Variants in SDK1 observed in about 807,000 individuals in gnomAD.
SDK1 encodes the protein protein sidekick-1.
Under a neutral mutation model 245.5 loss-of-function variants are expected in SDK1, and 157 were observed. The observed-to-expected ratio is 0.64, with a 90% CI of 0.56 to 0.73. The LOEUF (loss-of-function observed/expected upper bound fraction) is 0.73. Ranked by LOEUF, SDK1 falls within the 30% of genes least tolerant of loss-of-function variation. The pLI, the probability that SDK1 is intolerant of heterozygous loss-of-function variation, is 0.00. For missense variants in SDK1, 3,583 were observed against 3,002.3 expected, an observed-to-expected ratio of 1.19 and a Z score of -4.52; for synonymous variants, 1,647 against 1,278.5, an observed-to-expected ratio of 1.29 and a Z score of -6.15.
intron 18 of SDK1, among the ~76,000 whole-genome samples, chr7:4,049,810 A>G (rs1254255356): frequency 6.6e-6 from 1 of 152,224 alleles, no homozygotes; most frequent in Non-Finnish European, 1.5e-5. Context: ...AGGAGAACAC[A>G]GGCCCCGAGC....
chr7:4,009,036 C>G (rs1044619080), intron 14 of SDK1, among the ~76,000 whole-genome samples: 3 of 152,232 alleles, frequency 2.0e-5, no homozygotes, highest in African/African-American at 7.2e-5. Flanking sequence ...GGCGGAATTT[C>G]TTCACATCCT....
Position 4,208,257 on chromosome 7 carries a change from C to A in SDK1, c.5373C>A (p.Asp1791Glu). ...FNAAGDGPKS[D>E]PQQGRTHQAA... ...CCGCCGGAGATGGACCTAAGAGTGA[C>A]CCCCAGCAGGGGCGCACCCACCAGG... Residue 1791 changes from aspartate (D) to glutamate (E), a missense_variant, in exon 37 of 45, where the codon GAC becomes GAA. Transcript: ENST00000404826. 1 of 1,613,562 alleles carries A rather than the reference C, an allele frequency of 6.2e-7. No individual in the cohort carries two copies. The highest frequency in any genetic ancestry group is 1.7e-5 in the Admixed American group (1 of 59,982).
chr7:3,818,519 C>T (rs893264394), intron 4 of SDK1, among the ~76,000 whole-genome samples: 1 of 152,194 alleles, frequency 6.6e-6, no homozygotes, highest in Non-Finnish European at 1.5e-5. Context: ...TGTGTACACA[C>T]ATATGTAGAA....
At chr7:4,172,645 C>A (rs1781921287) in intron 32 of SDK1, among the ~76,000 whole-genome samples, 1 of 152,172 alleles carries the variant, frequency 6.6e-6, no homozygotes, top group South Asian at 2.1e-4. Context: ...AGGGCAGAGC[C>A]TTATTCTCTC....
In SDK1 at chr7:3,444,703, T is replaced by C. The variant is rs78798718; in HGVS notation, c.298+142819T>C. 4.4e-3 allele frequency among the ~76,000 whole-genome samples: 669 copies of C among 152,302 alleles called. 9 individuals are homozygous for C. The highest frequency in any genetic ancestry group is 0.015 in the African/African-American group (622 of 41,566). ...TGTTAGATTGCTGTCCTTGATTGGT[T>C]TTCTGTTTTCAGTAGGCCAGTCCCC... is the stretch of plus-strand genomic sequence containing the variant. On this transcript the variant is annotated intron_variant, in intron 1 of 44. Coordinates refer to ENST00000404826, the MANE Select transcript of SDK1 (RefSeq NM_152744.4).
chr7:3,874,515 C>G (rs1381559375), intron 5 of SDK1, among the ~76,000 whole-genome samples: 1 of 152,150 alleles, frequency 6.6e-6, no homozygotes, highest in Non-Finnish European at 1.5e-5. Flanking sequence ...GTAGTCCTGA[C>G]AAGTGTTCCT....
chr7:4,088,970 AGGGAGGTGAGACCCTCCCTCAGG>A, intron 22 of SDK1, among the ~76,000 whole-genome samples: 1 of 151,522 alleles, frequency 6.6e-6, no homozygotes, highest in Non-Finnish European at 1.5e-5. Context: ...GGCCCCTCAG[AGGGAGGTGAGACCCTCCCTCAGG>A]TGGAGGTGAG....
intron 30 of SDK1, 58 bp from the exon 31 acceptor site, chr7:4,158,390 C>A: frequency 1.4e-6 from 2 of 1,398,562 alleles, no homozygotes; most frequent in Non-Finnish European, 2.0e-6. Flanking sequence ...ACCAGGAATG[C>A]CTGAGGGCAG....
In SDK1 at chr7:3,631,267, A is replaced by G. The variant is rs139866132; in HGVS notation, c.459-7737A>G. Among the ~76,000 whole-genome samples, 116 of 152,170 alleles carry G rather than the reference A, an allele frequency of 7.6e-4. 1 individual carries two copies. The highest frequency in any genetic ancestry group is 2.6e-3 in the African/African-American group (107 of 41,514). On this transcript the variant is annotated intron_variant, in intron 2 of 44. Coordinates refer to ENST00000404826, the MANE Select transcript of SDK1 (RefSeq NM_152744.4). ...TTTCTGTTTTATTTTCTTTTAATCT[A>G]TTGAGCTCTCTCTGTACTCACCAAG...
intron 4 of SDK1, among the ~76,000 whole-genome samples, chr7:3,778,704 CAG>C (rs1289236955): frequency 6.6e-6 from 1 of 152,164 alleles, no homozygotes; most frequent in Non-Finnish European, 1.5e-5. Flanking sequence ...TTAATCTTAA[CAG>C]AGTATACTTG....
At chr7:3,313,786 G>C (rs975232125) in intron 1 of SDK1, among the ~76,000 whole-genome samples, 19 of 152,154 alleles carry the variant, frequency 1.2e-4, no homozygotes, top group Admixed American at 1.2e-3. Context: ...TTTTATTCTT[G>C]AGTTGCTAAA....
chr7:4,051,856 T>C (rs774932748), intron 19 of SDK1, 26 bp downstream of exon 19: 1 of 1,587,892 alleles, frequency 6.3e-7, no homozygotes, highest in East Asian at 2.3e-5. Context: ...TGCGTGTCTC[T>C]TAAGTCACTT....
At chr7:3,332,146 C>G (rs1481244779) in intron 1 of SDK1, among the ~76,000 whole-genome samples, 1 of 152,196 alleles carries the variant, frequency 6.6e-6, no homozygotes, top group Admixed American at 6.5e-5. Flanking sequence ...ACACTGATCA[C>G]TGAGATGTTT....
intron 35 of SDK1, among the ~76,000 whole-genome samples, chr7:4,186,675 C>T (rs1782917249): frequency 6.6e-6 from 1 of 152,144 alleles, no homozygotes; most frequent in Non-Finnish European, 1.5e-5. Context: ...TGAGTAGAGC[C>T]CCCCGCTGCT....
intron 5 of SDK1, among the ~76,000 whole-genome samples, chr7:3,897,105 A>C (rs1181360355): frequency 6.6e-6 from 1 of 152,172 alleles, no homozygotes; most frequent in South Asian, 2.1e-4. Context: ...TCACCCCTTA[A>C]TTCAATCACC....
chr7:4,069,914 C>T (rs1020200139), intron 20 of SDK1, among the ~76,000 whole-genome samples: 15 of 152,250 alleles, frequency 9.9e-5, no homozygotes, highest in African/African-American at 3.4e-4. Context: ...TGGGCATGTG[C>T]GCATTCTCTC....
intron 1 of SDK1, among the ~76,000 whole-genome samples, chr7:3,380,635 G>A (rs920280651): frequency 5.9e-5 from 9 of 152,100 alleles, no homozygotes; most frequent in East Asian, 3.8e-4. Context: ...AGCTTTTAAC[G>A]TTTTCAAGTT....
chr7:4,040,416 T>C (rs1356383417), intron 17 of SDK1, among the ~76,000 whole-genome samples: 1 of 152,166 alleles, frequency 6.6e-6, no homozygotes, highest in Non-Finnish European at 1.5e-5. Context: ...AACCACATTG[T>C]GAAGCGGCAT....
At chr7:3,355,724 G>C (rs1780775730) in intron 1 of SDK1, among the ~76,000 whole-genome samples, 1 of 152,022 alleles carries the variant, frequency 6.6e-6, no homozygotes, top group South Asian at 2.1e-4. Flanking sequence ...AAAGGCTTCT[G>C]ATCCTAATTT....
Sources: gnomAD v4.1 joint callset for allele counts (sites outside exome capture counted in the v4.1 genomes callset) on GRCh38, gnomAD v4.1.1 for gene constraint, MANE v1.5 for transcripts, NCBI Gene and HGNC (gene_info 2026-07-23, HGNC 2026-07-21) for gene names.